PRKCB: variants seen among roughly 807,000 people sequenced by gnomAD.
The protein encoded by PRKCB is protein kinase C beta type.
PRKCB carries 13 observed loss-of-function variants against 81.5 expected under a neutral mutation model. That is an observed-to-expected ratio of 0.16 (90% CI 0.10 to 0.25). The LOEUF is 0.25. Ranked by LOEUF, PRKCB falls within the 10% of genes least tolerant of loss-of-function variation. The pLI is 1.00. For missense variants in PRKCB, 509 were observed against 875.7 expected (o/e 0.58, Z 5.29); for synonymous variants, 335 against 321.4 (o/e 1.04, Z -0.45).
intron 2 of PRKCB, among the ~76,000 whole-genome samples, chr16:23,862,070 T>C (rs1056934774): frequency 2.0e-5 from 3 of 152,218 alleles, no homozygotes; most frequent in African/African-American, 7.2e-5. Context: ...TGTCTTATCT[T>C]CCTGGTTTTT....
chr16:23,928,960 G>A (rs560721106), intron 2 of PRKCB, among the ~76,000 whole-genome samples: 53 of 151,948 alleles, frequency 3.5e-4, no homozygotes, highest in African/African-American at 1.2e-3. Context: ...CTCGTGATCC[G>A]CCCGCCTCGG....
In PRKCB at chr16:24,032,285, C is replaced by A. The variant is rs763651034; in HGVS notation, c.400+38C>A. 25 of 1,450,968 alleles carry A rather than the reference C, an allele frequency of 1.7e-5. No individual in the cohort carries two copies. The Middle Eastern group carries it at 3.3e-3, about 191-fold the overall frequency. The allele number at this position is 1,450,968 out of a possible 1,614,324, so 89.9% of individuals were successfully genotyped here. A position where few individuals can be genotyped will look rare whatever the true frequency, so the allele number is the denominator to read the frequency against. On this transcript the variant is annotated intron_variant, in intron 4 of 16. Coordinates refer to ENST00000643927, the MANE Select transcript of PRKCB (RefSeq NM_002738.7). ...TCTCTCTGGGGGCATCTGCTGATGG[C>A]AGAAGCAATGGGAAGGGCTGCTTCC...
At chr16:24,082,810 A>G (rs952435448) in intron 5 of PRKCB, among the ~76,000 whole-genome samples, 5 of 151,200 alleles carry the variant, frequency 3.3e-5, no homozygotes, top group African/African-American at 1.2e-4. Context: ...TAGACGTGAC[A>G]CTTAAAAACG....
At chr16:24,050,654 A>G (rs994053239) in intron 5 of PRKCB, among the ~76,000 whole-genome samples, 2 of 152,002 alleles carry the variant, frequency 1.3e-5, no homozygotes, top group African/African-American at 4.8e-5. Flanking sequence ...GTTCATTTCC[A>G]TTCTATTTCC....
intron 8 of PRKCB, among the ~76,000 whole-genome samples, chr16:24,114,996 G>A (rs1966720045): frequency 6.6e-6 from 1 of 152,090 alleles, no homozygotes. Context: ...AGTTTACCAT[G>A]TAAAAAGAGG....
chr16:24,134,203 C>A (rs1966858042), intron 9 of PRKCB, among the ~76,000 whole-genome samples: 1 of 152,122 alleles, frequency 6.6e-6, no homozygotes, highest in African/African-American at 2.4e-5. Context: ...CAGTCCAAAC[C>A]ACTACTCTTT....
At chr16:23,922,057 T>C (rs1204647613) in intron 2 of PRKCB, among the ~76,000 whole-genome samples, 1 of 152,212 alleles carries the variant, frequency 6.6e-6, no homozygotes, top group Non-Finnish European at 1.5e-5. Context: ...TTTGGTGTTA[T>C]GGTGCATAGA....
intron 2 of PRKCB, among the ~76,000 whole-genome samples, chr16:23,944,307 G>A (rs1964176908): frequency 1.3e-5 from 2 of 152,244 alleles, no homozygotes. Context: ...TGTCATCTTT[G>A]AGCTTTAATA....
At chr16:23,966,703 G>A (rs1176430959) in intron 2 of PRKCB, among the ~76,000 whole-genome samples, 1 of 152,170 alleles carries the variant, frequency 6.6e-6, no homozygotes, top group East Asian at 1.9e-4. Flanking sequence ...TGAATCAGGT[G>A]TGGATTTCTG....
chr16:23,950,132 A>ATTTTTTTTTTTTTTTT (rs34117735), intron 2 of PRKCB, among the ~76,000 whole-genome samples: 2 of 97,760 alleles, frequency 2.0e-5, no homozygotes, highest in African/African-American at 8.3e-5. Context: ...TATGATTTGA[A>ATTTTTTTTTTTTTTTT]TTTTTTTTTT....
intron 2 of PRKCB, among the ~76,000 whole-genome samples, chr16:23,955,579 C>G (rs2141783479): frequency 6.6e-6 from 1 of 152,286 alleles, no homozygotes; most frequent in Middle Eastern, 3.4e-3. Context: ...ACTGCCCAGA[C>G]AGTTAGGGTT....
intron 2 of PRKCB, chr16:23,869,268 G>A (rs1383259179): frequency 5.8e-6 from 2 of 342,454 alleles, no homozygotes; most frequent in African/African-American, 2.1e-5. Flanking sequence ...AGAAAGGGCT[G>A]TTGCCTCAGC....
chr16:24,216,855 T>G lies in PRKCB; in HGVS notation c.*2039T>G. 1.0e-6 allele frequency: 1 copy of G among 985,482 alleles called. No individual in the cohort carries two copies. The highest frequency in any genetic ancestry group is 1.2e-6 in the Non-Finnish European group (1 of 829,962). The allele number at this position is 985,482 out of a possible 1,614,324, so 61.0% of individuals were successfully genotyped here. A position where few individuals can be genotyped will look rare whatever the true frequency, so the allele number is the denominator to read the frequency against. ...AGGAATTTGCCCAAAGTCAGTCAGC[T>G]GGGATAAAAACCTGGGTGTCCTGTC... On this transcript the variant is annotated 3_prime_UTR_variant, in exon 17 of 17. Transcript: ENST00000643927.
At chr16:24,044,261 A>G (rs936694259) in intron 5 of PRKCB, among the ~76,000 whole-genome samples, 11 of 152,146 alleles carry the variant, frequency 7.2e-5, no homozygotes, top group Non-Finnish European at 1.6e-4. Flanking sequence ...CTGGAGGGTG[A>G]GACACGAGAA....
At chr16:23,920,152 A>G (rs982243946) in intron 2 of PRKCB, among the ~76,000 whole-genome samples, 8 of 152,196 alleles carry the variant, frequency 5.3e-5, no homozygotes, top group African/African-American at 9.6e-5. Context: ...CCTCACCAGC[A>G]CATGTTATTT....
At chr16:24,178,933 T>G (rs1967576827) in intron 12 of PRKCB, among the ~76,000 whole-genome samples, 1 of 152,178 alleles carries the variant, frequency 6.6e-6, no homozygotes, top group African/African-American at 2.4e-5. Context: ...CAGATCTGAC[T>G]TTAGGCCTGG....
intron 2 of PRKCB, among the ~76,000 whole-genome samples, chr16:23,851,169 T>C (rs1962466315): frequency 6.6e-6 from 1 of 152,228 alleles, no homozygotes; most frequent in Non-Finnish European, 1.5e-5. Flanking sequence ...CCCAAACCAA[T>C]GTTGTGGAGT....
intron 16 of PRKCB, among the ~76,000 whole-genome samples, chr16:24,198,496 C>T (rs1967911096): frequency 6.6e-6 from 1 of 152,166 alleles, no homozygotes; most frequent in Non-Finnish European, 1.5e-5. Flanking sequence ...TCCTTGGAGT[C>T]TTTTCTGCTT....
chr16:24,033,914 G>C (rs1965580908), intron 4 of PRKCB, among the ~76,000 whole-genome samples: 1 of 152,096 alleles, frequency 6.6e-6, no homozygotes, highest in Non-Finnish European at 1.5e-5. Context: ...GAGAGGCAGA[G>C]AGACACAGTT....
Sources: allele counts gnomAD v4.1 joint callset (sites outside exome capture counted in the v4.1 genomes callset), GRCh38; gene constraint gnomAD v4.1.1; transcripts MANE v1.5; gene names NCBI Gene and HGNC (gene_info 2026-07-23, HGNC 2026-07-21).